RAPGEF2: variants seen among roughly 807,000 people sequenced by gnomAD.
The protein encoded by RAPGEF2 is Rap guanine nucleotide exchange factor 2.
A neutral mutation model predicts 186.7 loss-of-function variants in RAPGEF2; 54 were observed. The ratio of observed to expected loss-of-function variants is 0.29; its 90% confidence interval spans 0.23 to 0.36. RAPGEF2 has a LOEUF of 0.36. Among genes scored for constraint, RAPGEF2 ranks in the 10% least tolerant of loss-of-function variants. The pLI, the probability that RAPGEF2 is intolerant of heterozygous loss-of-function variation, is 1.00. For synonymous variants in RAPGEF2, 712 were observed against 705.9 expected (o/e 1.01, Z -0.14); for missense variants, 1,532 against 2,045.0 (o/e 0.75, Z 4.84).
At chr4:159,129,035 G>A (rs1355748704) in intron 1 of RAPGEF2, 1 of 149,858 alleles carries the variant, frequency 6.7e-6, no homozygotes, top group Non-Finnish European at 1.5e-5. Context: ...GATATGAATG[G>A]ATGCAGTCTT....
intron 4 of RAPGEF2, among the ~76,000 whole-genome samples, chr4:159,219,298 T>C (rs1251963245): frequency 1.8e-5 from 2 of 112,344 alleles, no homozygotes; most frequent in Admixed American, 9.1e-5. Context: ...TTTTAAGATA[T>C]TAATGTGTAA....
intron 1 of RAPGEF2, among the ~76,000 whole-genome samples, chr4:159,165,110 A>G (rs1487495071): frequency 6.6e-6 from 1 of 152,008 alleles, no homozygotes; most frequent in Non-Finnish European, 1.5e-5. Flanking sequence ...GGATAAGCTT[A>G]TTTAATATGA....
At chr4:159,221,011 G>T (rs1165338466) in intron 4 of RAPGEF2, among the ~76,000 whole-genome samples, 1 of 152,202 alleles carries the variant, frequency 6.6e-6, no homozygotes, top group Non-Finnish European at 1.5e-5. Flanking sequence ...GGTAATGGAA[G>T]GAGGAGTCTG....
intron 7 of RAPGEF2, among the ~76,000 whole-genome samples, chr4:159,249,285 CT>C (rs34205767): frequency 0.19 from 23,906 of 122,926 alleles, 1,141 homozygotes; most frequent in Middle Eastern, 0.24. Flanking sequence ...AAAAAAGTCT[CT>C]TTTTTTTTTT....
At chr4:159,235,045 C>A (rs1174691402) in intron 4 of RAPGEF2, among the ~76,000 whole-genome samples, 1 of 152,168 alleles carries the variant, frequency 6.6e-6, no homozygotes, top group African/African-American at 2.4e-5. Flanking sequence ...CAGACATGAG[C>A]CACCGTGCCC....
chr4:159,339,089 T>G (rs753273245), intron 18 of RAPGEF2, 25 bp from the exon 19 acceptor site: 1 of 1,607,242 alleles, frequency 6.2e-7, no homozygotes, highest in Admixed American at 1.7e-5. Flanking sequence ...TTTCTACTTA[T>G]GTGTGTGATT....
intron 7 of RAPGEF2, among the ~76,000 whole-genome samples, chr4:159,249,273 TAAA>T (rs931305787): frequency 1.3e-4 from 20 of 148,738 alleles, no homozygotes; most frequent in Non-Finnish European, 2.4e-4. Context: ...ATGCTGATTT[TAAA>T]AAAAGTCTCT....
At chr4:159,130,924 G>A (rs1037583685) in intron 1 of RAPGEF2, among the ~76,000 whole-genome samples, 1 of 152,160 alleles carries the variant, frequency 6.6e-6, no homozygotes, top group Non-Finnish European at 1.5e-5. Flanking sequence ...TGCCCAGGCT[G>A]GTCTCAAGCT....
intron 7 of RAPGEF2, among the ~76,000 whole-genome samples, chr4:159,283,055 TATA>T (rs1759947894): frequency 6.6e-6 from 1 of 152,330 alleles, no homozygotes; most frequent in East Asian, 1.9e-4. Context: ...TATAGGAAGT[TATA>T]ATATCTTCTT....
intron 1 of RAPGEF2, among the ~76,000 whole-genome samples, chr4:159,148,983 G>A (rs1380806576): frequency 1.3e-5 from 2 of 152,164 alleles, no homozygotes; most frequent in Non-Finnish European, 2.9e-5. Flanking sequence ...TTTACTGCAA[G>A]CATTTTTTGA....
intron 1 of RAPGEF2, among the ~76,000 whole-genome samples, chr4:159,183,003 T>C (rs1215872274): frequency 6.6e-6 from 1 of 152,160 alleles, no homozygotes. Flanking sequence ...CTCGGATTGG[T>C]CTGCAGATTC....
chr4:159,156,000 C>A (rs1384854298), intron 1 of RAPGEF2, among the ~76,000 whole-genome samples: 1 of 152,108 alleles, frequency 6.6e-6, no homozygotes, highest in Non-Finnish European at 1.5e-5. Flanking sequence ...GCTACTTATT[C>A]CCTTATAAAA....
intron 1 of RAPGEF2, among the ~76,000 whole-genome samples, chr4:159,122,080 T>C (rs1739758722): frequency 1.4e-5 from 2 of 143,214 alleles, no homozygotes; most frequent in Non-Finnish European, 3.1e-5. Flanking sequence ...TATGGAAAAA[T>C]TATGAAATAT....
intron 7 of RAPGEF2, among the ~76,000 whole-genome samples, chr4:159,285,718 C>T (rs1265823071): frequency 6.6e-6 from 1 of 152,142 alleles, no homozygotes; most frequent in East Asian, 1.9e-4. Context: ...GACCTTTTAT[C>T]TACTTACCCC....
intron 1 of RAPGEF2, among the ~76,000 whole-genome samples, chr4:159,154,787 C>T (rs959822136): frequency 1.3e-5 from 2 of 152,130 alleles, no homozygotes; most frequent in African/African-American, 4.8e-5. Flanking sequence ...TTCTGGATCT[C>T]AGTCAGATCC....
At chr4:159,142,971 C>T (rs1330923266) in intron 1 of RAPGEF2, among the ~76,000 whole-genome samples, 1 of 152,152 alleles carries the variant, frequency 6.6e-6, no homozygotes, top group Non-Finnish European at 1.5e-5. Flanking sequence ...AGAATGGCTC[C>T]AAGTATTCAA....
intron 1 of RAPGEF2, among the ~76,000 whole-genome samples, chr4:159,139,227 A>G (rs937003366): frequency 3.3e-5 from 5 of 152,214 alleles, no homozygotes; most frequent in African/African-American, 1.2e-4. Context: ...AGCAGTACCC[A>G]TAGGTGAAGA....
intron 18 of RAPGEF2, 96 bp downstream of exon 18, chr4:159,338,564 G>T (rs751734619): frequency 8.3e-7 from 1 of 1,205,698 alleles, no homozygotes; most frequent in Non-Finnish European, 1.2e-6. Context: ...ATTTGGCATG[G>T]ATTATATCAG....
intron 2 of RAPGEF2, among the ~76,000 whole-genome samples, chr4:159,188,699 G>A (rs1418653383): frequency 6.6e-6 from 1 of 151,444 alleles, no homozygotes; most frequent in Non-Finnish European, 1.5e-5. Flanking sequence ...AAAAGAAAAG[G>A]TATAAAAATA....
Sources: allele counts gnomAD v4.1 joint callset (sites outside exome capture counted in the v4.1 genomes callset), GRCh38; gene constraint gnomAD v4.1.1; transcripts MANE v1.5; gene names NCBI Gene and HGNC (gene_info 2026-07-23, HGNC 2026-07-21).